The following PVT1 variants were observed in gnomAD, a reference collection of about 807,000 sequenced individuals.
The protein encoded by PVT1 is CXCR4/PVT1 fusion.
intron 3 of PVT1, among the ~76,000 whole-genome samples, chr8:127,941,901 G>A (rs1191291718): frequency 6.6e-6 from 1 of 152,162 alleles, no homozygotes; most frequent in African/African-American, 2.4e-5. Flanking sequence ...TTTGGGAAGT[G>A]GGCCATGCCT....
intron 2 of PVT1, among the ~76,000 whole-genome samples, chr8:127,862,252 A>G (rs1815236465): frequency 1.3e-5 from 2 of 152,128 alleles, no homozygotes; most frequent in African/African-American, 2.4e-5. Context: ...TATTAAATAT[A>G]CAAAGATTAG....
intron 2 of PVT1, among the ~76,000 whole-genome samples, chr8:127,831,060 G>GTT: frequency 9.9e-6 from 1 of 100,668 alleles, no homozygotes; most frequent in African/African-American, 3.2e-5. Context: ...GTGTGTGTGT[G>GTT]TGTGTATATA....
chr8:127,851,931 T>C (rs914563488), intron 2 of PVT1: 8 of 152,260 alleles, frequency 5.3e-5, no homozygotes, highest in African/African-American at 1.7e-4. Context: ...CTTGCCTTCC[T>C]AGGTGGGAAG....
At chr8:127,878,914 A>G (rs1815434131) in intron 2 of PVT1, among the ~76,000 whole-genome samples, 1 of 152,128 alleles carries the variant, frequency 6.6e-6, no homozygotes, top group Non-Finnish European at 1.5e-5. Context: ...CCCTGAGCCT[A>G]GGGGGAATGA....
intron 2 of PVT1, among the ~76,000 whole-genome samples, chr8:127,843,096 C>T (rs111421333): frequency 0.036 from 5,410 of 152,270 alleles, 260 homozygotes; most frequent in East Asian, 0.14. Context: ...TGGCTCGTGC[C>T]TGTAATCTCA....
At chr8:128,071,395 T>G (rs1813987267) in intron 5 of PVT1, among the ~76,000 whole-genome samples, 1 of 152,056 alleles carries the variant, frequency 6.6e-6, no homozygotes, top group African/African-American at 2.4e-5. Flanking sequence ...AGAAATTAAT[T>G]TATAGGATGT....
chr8:127,833,426 C>T (rs1814875391), intron 2 of PVT1, among the ~76,000 whole-genome samples: 1 of 151,680 alleles, frequency 6.6e-6, no homozygotes, highest in Non-Finnish European at 1.5e-5. Flanking sequence ...ACATCAATCC[C>T]ATGGACAGAG....
chr8:128,032,396 G>A (rs1046438537), intron 4 of PVT1, among the ~76,000 whole-genome samples: 4 of 152,162 alleles, frequency 2.6e-5, no homozygotes, highest in African/African-American at 9.7e-5. Context: ...AGGCTGTTCC[G>A]TTGACCTCTC....
intron 4 of PVT1, among the ~76,000 whole-genome samples, chr8:128,019,583 CT>C (rs1563667310): frequency 6.6e-6 from 1 of 152,176 alleles, no homozygotes; most frequent in Non-Finnish European, 1.5e-5. Context: ...ACAACGTTTG[CT>C]TTTTTGTACT....
intron 2 of PVT1, among the ~76,000 whole-genome samples, chr8:127,829,881 T>C (rs1215242029): frequency 6.6e-6 from 1 of 152,222 alleles, no homozygotes. Flanking sequence ...ATGCTCCACA[T>C]GAAGGCTCCG....
intron 4 of PVT1, among the ~76,000 whole-genome samples, chr8:128,062,758 G>A (rs1813847786): frequency 6.6e-6 from 1 of 152,080 alleles, no homozygotes; most frequent in Non-Finnish European, 1.5e-5. Context: ...CTAGTTGCTT[G>A]TGAATTAAAT....
At chr8:127,984,568 T>C (rs974434494) in intron 3 of PVT1, among the ~76,000 whole-genome samples, 9 of 152,216 alleles carry the variant, frequency 5.9e-5, no homozygotes, top group African/African-American at 2.2e-4. Context: ...TGCAGTACAA[T>C]ACTCCCATCC....
chr8:127,929,926 G>A (rs1015596071), intron 3 of PVT1, among the ~76,000 whole-genome samples: 1 of 152,178 alleles, frequency 6.6e-6, no homozygotes, highest in Admixed American at 6.5e-5. Flanking sequence ...TGTTAGTTAC[G>A]TATCTGTGTC....
chr8:128,069,004 A>C (rs1813948400), intron 4 of PVT1, among the ~76,000 whole-genome samples: 1 of 152,232 alleles, frequency 6.6e-6, no homozygotes, highest in Non-Finnish European at 1.5e-5. Context: ...AGCCTATTGC[A>C]CTTCAGGGCA....
intron 2 of PVT1, among the ~76,000 whole-genome samples, chr8:127,836,153 A>G (rs543809504): frequency 6.6e-6 from 1 of 152,276 alleles, no homozygotes; most frequent in South Asian, 2.1e-4. Flanking sequence ...CACCAGTCAT[A>G]GTCTGTAAAA....
At chr8:127,843,321 C>G (rs150095431) in intron 2 of PVT1, among the ~76,000 whole-genome samples, 6,633 of 152,138 alleles carry the variant, frequency 0.044, 522 homozygotes, top group African/African-American at 0.15. Context: ...CTCCAGCTTG[C>G]GCAACAGAGC....
At chr8:127,883,053 GCACACACAT>G (rs1815487151) in intron 2 of PVT1, among the ~76,000 whole-genome samples, 1 of 122,928 alleles carries the variant, frequency 8.1e-6, no homozygotes, top group South Asian at 2.6e-4. Context: ...ACACATGCAT[GCACACACAT>G]CACACACACA....
intron 3 of PVT1, among the ~76,000 whole-genome samples, chr8:127,978,687 T>A (rs1211586605): frequency 2.6e-5 from 4 of 152,162 alleles, no homozygotes; most frequent in African/African-American, 9.7e-5. Flanking sequence ...GGTTTCACCA[T>A]ATTGTCCAGG....
intron 5 of PVT1, among the ~76,000 whole-genome samples, chr8:128,070,834 T>C (rs893801821): frequency 1.2e-4 from 18 of 152,192 alleles, no homozygotes; most frequent in Admixed American, 5.9e-4. Context: ...CCATGGACTT[T>C]TTTTGAGCAC....
Sources: gnomAD v4.1 joint callset for allele counts (sites outside exome capture counted in the v4.1 genomes callset) on GRCh38, gnomAD v4.1.1 for gene constraint, MANE v1.5 for transcripts, NCBI Gene and HGNC (gene_info 2026-07-23, HGNC 2026-07-21) for gene names.